Variants in GXYLT1 observed in about 807,000 individuals in gnomAD.
GXYLT1 encodes the protein glycosyltransferase 8 domain containing 3.
GXYLT1 carries 29 observed loss-of-function variants against 54.0 expected under a neutral mutation model. That is an observed-to-expected ratio of 0.54 (90% CI 0.40 to 0.73). The LOEUF is 0.73. Among genes scored for constraint, GXYLT1 ranks in the 30% least tolerant of loss-of-function variants. The probability of loss-of-function intolerance (pLI) is 0.00; values close to 1 mark genes in which losing one functional copy is unlikely to be tolerated. For synonymous variants in GXYLT1, 176 were observed against 204.1 expected (o/e 0.86, Z 1.17); for missense variants, 490 against 553.4 (o/e 0.89, Z 1.15).
intron 2 of GXYLT1, among the ~76,000 whole-genome samples, chr12:42,128,679 T>A (rs1303377069): frequency 6.6e-6 from 1 of 152,134 alleles, no homozygotes; most frequent in East Asian, 1.9e-4. Context: ...GTGTGGCAAA[T>A]ATAATGAGTA....
intron 1 of GXYLT1, among the ~76,000 whole-genome samples, chr12:42,130,424 AAC>A (rs2065587374): frequency 6.6e-6 from 1 of 152,150 alleles, no homozygotes; most frequent in Non-Finnish European, 1.5e-5. Flanking sequence ...ACAATGAGAG[AAC>A]ATCTCACCCA....
intron 1 of GXYLT1, among the ~76,000 whole-genome samples, chr12:42,141,558 A>C (rs973873299): frequency 1.3e-5 from 2 of 152,106 alleles, no homozygotes; most frequent in African/African-American, 4.8e-5. Flanking sequence ...AAAAAAAAAA[A>C]CCCTATGTGA....
chr12:42,105,205 G>A (rs1212936576), intron 5 of GXYLT1, among the ~76,000 whole-genome samples: 2 of 152,178 alleles, frequency 1.3e-5, no homozygotes, highest in East Asian at 1.9e-4. Context: ...TACTGATGAA[G>A]TCTAAATGCA....
intron 5 of GXYLT1, among the ~76,000 whole-genome samples, chr12:42,105,233 T>C (rs1196534610): frequency 6.6e-6 from 1 of 152,224 alleles, no homozygotes; most frequent in African/African-American, 2.4e-5. Context: ...AGAATTTAAA[T>C]AGTCTGACTT....
At chr12:42,135,136 T>G (rs1407502721) in intron 1 of GXYLT1, among the ~76,000 whole-genome samples, 1 of 152,206 alleles carries the variant, frequency 6.6e-6, no homozygotes, top group Non-Finnish European at 1.5e-5. Context: ...CATGATACTG[T>G]GGCATCAAAG....
At chr12:42,130,902 G>C (rs927453521) in intron 1 of GXYLT1, among the ~76,000 whole-genome samples, 2 of 152,138 alleles carry the variant, frequency 1.3e-5, no homozygotes, top group African/African-American at 4.8e-5. Flanking sequence ...AGCTGTGACT[G>C]TGCTACTGCA....
Position 42,083,459 on chromosome 12 carries a change from C to T in GXYLT1, c.*4327G>A, listed in dbSNP as rs1019965196. The T allele has an allele frequency of 1.3e-5, 2 of 152,158 alleles. No homozygotes were observed. Among genetic ancestry groups the T allele is most frequent in the Non-Finnish European group, 2.9e-5 (2 of 68,022 alleles). The allele number at this position is 152,158 out of a possible 1,614,324, so 9.4% of individuals were successfully genotyped here. A position where few individuals can be genotyped will look rare whatever the true frequency, so the allele number is the denominator to read the frequency against. On this transcript the variant is annotated 3_prime_UTR_variant, in exon 8 of 8. Transcript: ENST00000398675. ...GCATTTAATAAATGGATAACTGGCC[C>T]CACACCTGACATATTGCACCCCTAC...
chr12:42,112,392 G>GA (rs902217517), intron 3 of GXYLT1, among the ~76,000 whole-genome samples: 5 of 151,810 alleles, frequency 3.3e-5, no homozygotes, highest in Admixed American at 6.6e-5. Context: ...TAAAAGCTTT[G>GA]AAAAAAAATT....
At chr12:42,116,700 C>A (rs1266611319) in intron 3 of GXYLT1, among the ~76,000 whole-genome samples, 1 of 152,188 alleles carries the variant, frequency 6.6e-6, no homozygotes. Context: ...CTAGTTCAGC[C>A]ATTGTGGAAG....
chr12:42,116,235 C>CT (rs1293102187), intron 3 of GXYLT1, among the ~76,000 whole-genome samples: 2 of 151,996 alleles, frequency 1.3e-5, no homozygotes, highest in African/African-American at 4.8e-5. Flanking sequence ...GACTTCATGT[C>CT]TAAAACACCA....
chr12:42,122,582 T>A (rs2065537678), intron 2 of GXYLT1, among the ~76,000 whole-genome samples: 1 of 152,048 alleles, frequency 6.6e-6, no homozygotes, highest in Non-Finnish European at 1.5e-5. Flanking sequence ...AGAGCGAGAC[T>A]CTTTCAAAAA....
chr12:42,125,529 CAA>C (rs1366039423), intron 2 of GXYLT1, among the ~76,000 whole-genome samples: 1 of 152,058 alleles, frequency 6.6e-6, no homozygotes, highest in African/African-American at 2.4e-5. Context: ...GGAGAGAGAT[CAA>C]AGAGCTGAGT....
At chr12:42,128,221 T>C (rs2065574324) in intron 2 of GXYLT1, among the ~76,000 whole-genome samples, 1 of 152,170 alleles carries the variant, frequency 6.6e-6, no homozygotes, top group Non-Finnish European at 1.5e-5. Context: ...ATTATGTTTA[T>C]TTCAAAACTG....
chr12:42,131,092 G>A (rs1020297484), intron 1 of GXYLT1, among the ~76,000 whole-genome samples: 2 of 152,136 alleles, frequency 1.3e-5, no homozygotes, highest in South Asian at 2.1e-4. Context: ...ATCAAGTCTG[G>A]TCTTTCTTGT....
chr12:42,106,158 G>A, intron 4 of GXYLT1, 89 bp from the exon 5 acceptor site: 1 of 812,522 alleles, frequency 1.2e-6, no homozygotes, highest in Non-Finnish European at 2.0e-6. Context: ...ATACACCTAA[G>A]AGATTAGCTA....
chr12:42,089,615 A>G (rs2065318124), intron 7 of GXYLT1, among the ~76,000 whole-genome samples: 1 of 152,210 alleles, frequency 6.6e-6, no homozygotes, highest in African/African-American at 2.4e-5. Context: ...AAATGCAGTA[A>G]GTGGTTAAGC....
chr12:42,100,658 T>G (rs1471872572), intron 5 of GXYLT1, among the ~76,000 whole-genome samples: 1 of 152,072 alleles, frequency 6.6e-6, no homozygotes, highest in African/African-American at 2.4e-5. Flanking sequence ...AATCAGAATT[T>G]TTTTTAATCT....
At chr12:42,139,529 G>A (rs997460812) in intron 1 of GXYLT1, among the ~76,000 whole-genome samples, 2 of 152,182 alleles carry the variant, frequency 1.3e-5, no homozygotes, top group African/African-American at 4.8e-5. Flanking sequence ...AACACAGGGA[G>A]AAGGCGCCAT....
chr12:42,136,130 G>C (rs1412200060), intron 1 of GXYLT1, among the ~76,000 whole-genome samples: 10 of 152,128 alleles, frequency 6.6e-5, no homozygotes, highest in Non-Finnish European at 1.3e-4. Flanking sequence ...TGAAAAACTG[G>C]TTTGGGAGAT....
Sources: allele counts gnomAD v4.1 joint callset (sites outside exome capture counted in the v4.1 genomes callset), GRCh38; gene constraint gnomAD v4.1.1; transcripts MANE v1.5; gene names NCBI Gene and HGNC (gene_info 2026-07-23, HGNC 2026-07-21).